The following NTF3 variants were observed in gnomAD, a reference collection of about 807,000 sequenced individuals.
The protein encoded by NTF3 is neurotrophin 3.
A neutral mutation model predicts 26.3 loss-of-function variants in NTF3; 8 were observed. The observed-to-expected ratio is 0.30, with a 90% confidence interval of 0.18 to 0.55. The LOEUF (loss-of-function observed/expected upper bound fraction) is 0.55. NTF3 is among the 20% of genes least tolerant of loss of function. The probability of loss-of-function intolerance (pLI) is 0.93; values close to 1 mark genes in which losing one functional copy is unlikely to be tolerated. For synonymous variants in NTF3, 154 were observed against 145.5 expected (o/e 1.06, Z -0.42); for missense variants, 276 against 352.9 (o/e 0.78, Z 1.75).
Position 5,456,980 on chromosome 12 carries a change from A to G in NTF3, c.18+24638A>G, listed in dbSNP as rs1450948361. On this transcript the variant is annotated intron_variant, in intron 1 of 1. Transcript: ENST00000423158. This position sits in a 1 kb window ranked among gnomAD's most constrained non-coding sequence, Gnocchi z 4.4. ...CCTCCCATCTCCACTGCCCGTCCCC[A>G]GGTCCACAGGCTCACAGAGCAGACA... Among the ~76,000 whole-genome samples the G allele has an allele frequency of 1.3e-5, 2 of 152,186 alleles. No homozygotes were observed. The highest frequency in any genetic ancestry group is 4.8e-5 in the African/African-American group (2 of 41,442).
intron 1 of NTF3, among the ~76,000 whole-genome samples, chr12:5,482,439 T>G (rs2121238092): frequency 6.6e-6 from 1 of 152,318 alleles, no homozygotes; most frequent in East Asian, 1.9e-4. Context: ...AGCACCCGCA[T>G]GTTCACTTCC....
chr12:5,450,009 C>T (rs1940353457), intron 1 of NTF3, among the ~76,000 whole-genome samples: 1 of 152,168 alleles, frequency 6.6e-6, no homozygotes, highest in Admixed American at 6.5e-5. Flanking sequence ...GAATCACTGG[C>T]CACTGCCCTA....
At chr12:5,492,233 A>G (rs142891742) in intron 1 of NTF3, among the ~76,000 whole-genome samples, 213 of 152,262 alleles carry the variant, frequency 1.4e-3, no homozygotes, top group African/African-American at 4.8e-3. Flanking sequence ...ACTAATCTGT[A>G]CCTTGACTCT....
chr12:5,442,898 G>A (rs1940256806), intron 1 of NTF3, among the ~76,000 whole-genome samples: 1 of 152,184 alleles, frequency 6.6e-6, no homozygotes, highest in African/African-American at 2.4e-5. Flanking sequence ...CAACAGCCTT[G>A]CAGTCTACTT....
At chr12:5,452,483 G>T (rs61394719) in intron 1 of NTF3, among the ~76,000 whole-genome samples, 24,588 of 152,124 alleles carry the variant, frequency 0.16, 2,052 homozygotes, top group Middle Eastern at 0.21. Flanking sequence ...TTTTGCTTCT[G>T]GGGCACATTT....
chr12:5,437,242 TAGTC>T (rs1204216829), intron 1 of NTF3, among the ~76,000 whole-genome samples: 2 of 152,226 alleles, frequency 1.3e-5, no homozygotes, highest in Non-Finnish European at 2.9e-5. Flanking sequence ...TGGCCATAAA[TAGTC>T]AGGAGCTAAG....
chr12:5,435,105 T>C (rs1470864757), intron 1 of NTF3, among the ~76,000 whole-genome samples: 1 of 152,154 alleles, frequency 6.6e-6, no homozygotes, highest in African/African-American at 2.4e-5. Flanking sequence ...GCATTGGCAC[T>C]GGGTGGGAAC....
chr12:5,447,695 C>T (rs1055733237), intron 1 of NTF3, among the ~76,000 whole-genome samples: 2 of 152,192 alleles, frequency 1.3e-5, no homozygotes, highest in African/African-American at 4.8e-5. Context: ...ATGGTTTCAA[C>T]TGGTACATTC....
chr12:5,462,821 C>T (rs1002653165), intron 1 of NTF3, among the ~76,000 whole-genome samples: 4 of 152,174 alleles, frequency 2.6e-5, no homozygotes, highest in South Asian at 2.1e-4. Flanking sequence ...GTTCTTTTTG[C>T]GCACACTGCA....
At chr12:5,468,687 A>G (rs1940623250) in intron 1 of NTF3, among the ~76,000 whole-genome samples, 1 of 152,182 alleles carries the variant, frequency 6.6e-6, no homozygotes, top group Non-Finnish European at 1.5e-5. Flanking sequence ...CCTGAATTCT[A>G]CCAGCCTGAC....
At chr12:5,438,702 G>T (rs150881381) in intron 1 of NTF3, among the ~76,000 whole-genome samples, 1 of 152,234 alleles carries the variant, frequency 6.6e-6, no homozygotes, top group African/African-American at 2.4e-5. Flanking sequence ...GCAGCAGGTA[G>T]CTGCCTGACT....
At chr12:5,460,923 G>A (rs1259428821) in intron 1 of NTF3, among the ~76,000 whole-genome samples, 2 of 152,192 alleles carry the variant, frequency 1.3e-5, no homozygotes, top group Admixed American at 6.5e-5. Context: ...ACAATTGGGT[G>A]TATGAGAATT....
At chr12:5,466,196 C>A (rs1179527450) in intron 1 of NTF3, among the ~76,000 whole-genome samples, 1 of 152,158 alleles carries the variant, frequency 6.6e-6, no homozygotes, top group Non-Finnish European at 1.5e-5. Flanking sequence ...TTACATCCAT[C>A]CTTGGGAGAG....
At chr12:5,443,894 C>A (rs1025279551) in intron 1 of NTF3, among the ~76,000 whole-genome samples, 2 of 151,878 alleles carry the variant, frequency 1.3e-5, no homozygotes, top group African/African-American at 2.4e-5. Context: ...AGAGGAGAGG[C>A]GAGAGAGAGT....
At chr12:5,465,099 G>A (rs958165974) in intron 1 of NTF3, among the ~76,000 whole-genome samples, 2 of 152,168 alleles carry the variant, frequency 1.3e-5, no homozygotes, top group African/African-American at 4.8e-5. Context: ...GGCTCAGAGA[G>A]GTGAATCCAT....
chr12:5,469,450 G>A (rs1318470848), intron 1 of NTF3, among the ~76,000 whole-genome samples: 2 of 152,128 alleles, frequency 1.3e-5, no homozygotes, highest in African/African-American at 4.8e-5. Context: ...AACTGCACTG[G>A]CAGGCATCTT....
chr12:5,463,376 C>A (rs1004115328), intron 1 of NTF3, among the ~76,000 whole-genome samples: 1 of 152,138 alleles, frequency 6.6e-6, no homozygotes, highest in African/African-American at 2.4e-5. Flanking sequence ...AACAAATACA[C>A]AAATGACAAG....
At chr12:5,439,955 T>C (rs1483299853) in intron 1 of NTF3, among the ~76,000 whole-genome samples, 2 of 152,156 alleles carry the variant, frequency 1.3e-5, no homozygotes, top group Non-Finnish European at 2.9e-5. Flanking sequence ...CCCCAGGCTG[T>C]GTTTGATGCA....
intron 1 of NTF3, among the ~76,000 whole-genome samples, chr12:5,464,605 C>T (rs1475704094): frequency 6.6e-6 from 1 of 152,114 alleles, no homozygotes; most frequent in East Asian, 1.9e-4. Context: ...TCCAGTGAGC[C>T]TGGGTGGGGC....
Sources: allele counts gnomAD v4.1 joint callset (sites outside exome capture counted in the v4.1 genomes callset), GRCh38; gene constraint gnomAD v4.1.1; non-coding constraint Gnocchi (gnomAD v3.1); transcripts MANE v1.5; gene names NCBI Gene and HGNC (gene_info 2026-07-23, HGNC 2026-07-21).